Variants in KHDRBS2 observed in about 807,000 individuals in gnomAD.
KHDRBS2 encodes the protein KH RNA binding domain containing, signal transduction associated 2.
Under a neutral mutation model 44.3 loss-of-function variants are expected in KHDRBS2, and 26 were observed. The ratio of observed to expected loss-of-function variants is 0.59; its 90% CI spans 0.43 to 0.81. The LOEUF (loss-of-function observed/expected upper bound fraction) is 0.81. Among genes scored for constraint, KHDRBS2 ranks in the 40% least tolerant of loss-of-function variants. The pLI is 0.00. For missense variants in KHDRBS2, 476 were observed against 433.1 expected (o/e 1.10, Z -0.88); for synonymous variants, 194 against 151.1 (o/e 1.28, Z -2.08).
the KHDRBS2 span, among the ~76,000 whole-genome samples, chr6:61,570,763 C>T: frequency 8.2e-4 from 124 of 152,118 alleles, no homozygotes; most frequent in African/African-American, 3.0e-3. Context: ...GGGGTCCCAT[C>T]TTTAGCTTCC....
At chr6:61,883,154 A>C (rs1583317107) in intron 6 of KHDRBS2, among the ~76,000 whole-genome samples, 1 of 152,162 alleles carries the variant, frequency 6.6e-6, no homozygotes, top group East Asian at 1.9e-4. Flanking sequence ...TTTAATCCTT[A>C]GGCCATGTGT....
intron 6 of KHDRBS2, among the ~76,000 whole-genome samples, chr6:61,814,345 C>T (rs1200839549): frequency 6.6e-6 from 1 of 152,170 alleles, no homozygotes; most frequent in Non-Finnish European, 1.5e-5. Flanking sequence ...GGAGCGGTGG[C>T]TCGTGCCTGA....
intron 2 of KHDRBS2, among the ~76,000 whole-genome samples, chr6:62,123,518 G>A (rs1173608376): frequency 6.6e-6 from 1 of 152,110 alleles, no homozygotes; most frequent in Non-Finnish European, 1.5e-5. Flanking sequence ...TATAAAACAT[G>A]CCACAAAATG....
At chr6:62,271,729 A>G (rs764467568) in intron 1 of KHDRBS2, among the ~76,000 whole-genome samples, 2 of 152,070 alleles carry the variant, frequency 1.3e-5, no homozygotes, top group East Asian at 1.9e-4. Flanking sequence ...AAAAGTTTAA[A>G]GAGTAAAAAA....
chr6:62,267,955 A>G (rs1296167114), intron 1 of KHDRBS2, among the ~76,000 whole-genome samples: 1 of 152,112 alleles, frequency 6.6e-6, no homozygotes, highest in Non-Finnish European at 1.5e-5. Context: ...TATGTTATCT[A>G]GGCAAAAGTT....
intron 6 of KHDRBS2, 91 bp from the exon 7 acceptor site, chr6:61,732,855 T>C (rs1324829363): frequency 5.4e-6 from 4 of 747,088 alleles, no homozygotes; most frequent in Non-Finnish European, 9.7e-6. Context: ...AATGTGATCT[T>C]GGTTTAGATT....
chr6:61,800,724 G>C (rs1235253297), intron 6 of KHDRBS2, among the ~76,000 whole-genome samples: 2 of 152,010 alleles, frequency 1.3e-5, no homozygotes, highest in Non-Finnish European at 2.9e-5. Context: ...CCTAAGAATT[G>C]CATTCCCATA....
At chr6:61,909,692 C>T (rs949214751) in intron 4 of KHDRBS2, among the ~76,000 whole-genome samples, 1 of 152,116 alleles carries the variant, frequency 6.6e-6, no homozygotes, top group African/African-American at 2.4e-5. Flanking sequence ...AGCTCATAGT[C>T]TGCATATTTA....
chr6:62,154,287 C>T (rs1584975812), intron 2 of KHDRBS2, among the ~76,000 whole-genome samples: 1 of 152,292 alleles, frequency 6.6e-6, no homozygotes, highest in East Asian at 1.9e-4. Context: ...TTCTGGATAG[C>T]TCCCTTTCCC....
intron 6 of KHDRBS2, among the ~76,000 whole-genome samples, chr6:61,891,395 T>C (rs1481095035): frequency 6.6e-6 from 1 of 152,172 alleles, no homozygotes; most frequent in Non-Finnish European, 1.5e-5. Context: ...TAAAATTCTC[T>C]TTTTTTGTTG....
intron 7 of KHDRBS2, among the ~76,000 whole-genome samples, chr6:61,722,424 C>A (rs1449331545): frequency 2.0e-5 from 3 of 152,226 alleles, no homozygotes; most frequent in Non-Finnish European, 4.4e-5. Context: ...ACCTTGTGAA[C>A]CTCCTCTAGA....
At chr6:62,176,055 G>A (rs975517029) in intron 2 of KHDRBS2, among the ~76,000 whole-genome samples, 1 of 151,246 alleles carries the variant, frequency 6.6e-6, no homozygotes, top group African/African-American at 2.4e-5. Context: ...GACTGTAACT[G>A]GTTAATTGAT....
At chr6:62,090,047 G>A (rs1362424915) in intron 2 of KHDRBS2, among the ~76,000 whole-genome samples, 1 of 152,172 alleles carries the variant, frequency 6.6e-6, no homozygotes, top group Non-Finnish European at 1.5e-5. Context: ...GGTAGAAAAA[G>A]CATTAGTAAA....
At chr6:62,050,985 G>C (rs1788897492) in intron 2 of KHDRBS2, among the ~76,000 whole-genome samples, 1 of 152,018 alleles carries the variant, frequency 6.6e-6, no homozygotes, top group African/African-American at 2.4e-5. Flanking sequence ...GTATCTAACA[G>C]ACATTTGAGA....
chr6:61,973,403 A>C (rs1771848497), intron 4 of KHDRBS2, among the ~76,000 whole-genome samples: 1 of 152,164 alleles, frequency 6.6e-6, no homozygotes. Context: ...TGAAGAAGGG[A>C]GGCAAGAATA....
intron 6 of KHDRBS2, among the ~76,000 whole-genome samples, chr6:61,830,342 G>T (rs1218808448): frequency 6.6e-6 from 1 of 152,168 alleles, no homozygotes; most frequent in African/African-American, 2.4e-5. Context: ...ATACATTCAG[G>T]AGTTATTGTT....
intron 1 of KHDRBS2, among the ~76,000 whole-genome samples, chr6:62,221,141 A>G (rs979605149): frequency 1.3e-5 from 2 of 151,796 alleles, no homozygotes; most frequent in Non-Finnish European, 2.9e-5. Flanking sequence ...AAAAAAAAAG[A>G]TTTTGCCATT....
intron 4 of KHDRBS2, among the ~76,000 whole-genome samples, chr6:61,916,371 TATCTC>T (rs1238775799): frequency 3.3e-5 from 5 of 152,072 alleles, no homozygotes; most frequent in Non-Finnish European, 1.5e-5. Context: ...ACTTTCCAGA[TATCTC>T]AACCTTTGTT....
chr6:62,198,344 C>T (rs967827246), intron 1 of KHDRBS2, among the ~76,000 whole-genome samples: 1 of 151,706 alleles, frequency 6.6e-6, no homozygotes, highest in Non-Finnish European at 1.5e-5. Flanking sequence ...GCTAGCAAGA[C>T]TAATAAAGAA....
Sources: gnomAD v4.1 joint callset for allele counts (sites outside exome capture counted in the v4.1 genomes callset) on GRCh38, gnomAD v4.1.1 for gene constraint, MANE v1.5 for transcripts, NCBI Gene and HGNC (gene_info 2026-07-23, HGNC 2026-07-21) for gene names.